Variants in CDC42BPA observed in about 807,000 individuals in gnomAD.
The protein encoded by CDC42BPA is serine/threonine-protein kinase MRCK alpha.
CDC42BPA carries 80 observed loss-of-function variants against 223.5 expected under a neutral mutation model. That is an observed-to-expected ratio of 0.36 (90% CI 0.30 to 0.43). CDC42BPA has a LOEUF of 0.43. Ranked by LOEUF, CDC42BPA falls within the 20% of genes least tolerant of loss-of-function variation. CDC42BPA has a pLI of 1.00. For missense variants in CDC42BPA, 1,743 were observed against 2,099.9 expected, an observed-to-expected ratio of 0.83 and a Z score of 3.32; for synonymous variants, 694 against 718.6, an observed-to-expected ratio of 0.97 and a Z score of 0.55.
At chr1:227,243,287 T>A (rs1347345329) in intron 2 of CDC42BPA, among the ~76,000 whole-genome samples, 1 of 152,194 alleles carries the variant, frequency 6.6e-6, no homozygotes, top group Admixed American at 6.5e-5. Flanking sequence ...AGTTTACTTA[T>A]TTAACAAACC....
Position 226,994,537 on chromosome 1 carries a change from C to T in CDC42BPA, c.5134-138G>A. 1 of 993,004 alleles carries T rather than the reference C, an allele frequency of 1.0e-6. No individual in the cohort carries two copies. The highest frequency in any genetic ancestry group is 1.4e-6 in the Non-Finnish European group (1 of 700,140). The allele number at this position is 993,004 out of a possible 1,614,324, so 61.5% of individuals were successfully genotyped here. ...CGGCCTCACTGTCGGTATAAAGCCC[C>T]TTCTATGAGCTGAGGAAGAGGCACG... is the stretch of plus-strand genomic sequence containing the variant. On this transcript the variant is annotated intron_variant, in intron 36 of 36. Coordinates refer to ENST00000366766, the MANE Select transcript of CDC42BPA (RefSeq NM_001394014.1). The surrounding 1 kb of genome is among the most constrained non-coding windows in gnomAD (Gnocchi z 4.0).
chr1:227,219,337 G>A (rs1251797387), intron 2 of CDC42BPA: 1 of 152,202 alleles, frequency 6.6e-6, no homozygotes, highest in African/African-American at 2.4e-5. Flanking sequence ...TGAAGCTGCC[G>A]GAGCAAGGCT....
chr1:227,199,749 A>G, intron 3 of CDC42BPA, 97 bp from the exon 4 acceptor site: 2 of 636,062 alleles, frequency 3.1e-6, no homozygotes, highest in South Asian at 4.1e-5. Flanking sequence ...CTGTTCTGGA[A>G]AAGGAATACA....
chr1:227,179,846 G>A (rs1010490383), intron 5 of CDC42BPA, among the ~76,000 whole-genome samples: 2 of 151,676 alleles, frequency 1.3e-5, no homozygotes, highest in African/African-American at 4.8e-5. Context: ...AACTATCAAG[G>A]ATAATATCTA....
intron 11 of CDC42BPA, among the ~76,000 whole-genome samples, chr1:227,122,397 C>T (rs1242891702): frequency 1.3e-5 from 2 of 152,122 alleles, no homozygotes; most frequent in South Asian, 2.1e-4. Context: ...TTCAGTATTT[C>T]ATAAAATTTC....
intron 35 of CDC42BPA, chr1:227,004,024 T>C (rs1409877954): frequency 6.6e-6 from 1 of 151,276 alleles, no homozygotes; most frequent in Non-Finnish European, 1.5e-5. Flanking sequence ...AATCCATTCC[T>C]GGCCTTCTTT....
At chr1:227,190,886 G>T (rs944549055) in intron 5 of CDC42BPA, among the ~76,000 whole-genome samples, 1 of 151,954 alleles carries the variant, frequency 6.6e-6, no homozygotes, top group African/African-American at 2.4e-5. Flanking sequence ...TGTGGTGGGG[G>T]GTTAAGACAA....
At chr1:227,237,429 T>C (rs551113705) in intron 2 of CDC42BPA, among the ~76,000 whole-genome samples, 1 of 152,278 alleles carries the variant, frequency 6.6e-6, no homozygotes, top group South Asian at 2.1e-4. Flanking sequence ...TCTACCTACC[T>C]CTGTTTAACA....
intron 2 of CDC42BPA, among the ~76,000 whole-genome samples, chr1:227,221,985 A>G (rs1675973898): frequency 7.0e-6 from 1 of 143,788 alleles, no homozygotes; most frequent in Non-Finnish European, 1.5e-5. Flanking sequence ...GAGGCTGCAG[A>G]GGGAAGATTA....
intron 10 of CDC42BPA, among the ~76,000 whole-genome samples, chr1:227,138,103 A>C (rs1290759783): frequency 6.6e-6 from 1 of 152,052 alleles, no homozygotes; most frequent in African/African-American, 2.4e-5. Context: ...TTACGGAAAA[A>C]CAGAAAATAG....
Position 227,259,202 on chromosome 1 carries a change from C to G in CDC42BPA, c.179-5047G>C, listed in dbSNP as rs185880865. ...GTGGGCCAAGTGCATATTGTGAGGC[C>G]CCATTTAACTGGCCAGTGTTAACTG... On this transcript the variant is annotated intron_variant, in intron 1 of 36. Transcript: ENST00000366766. Among the ~76,000 whole-genome samples, 147 of 150,908 alleles carry G rather than the reference C, an allele frequency of 9.7e-4. 3 individuals carry two copies. Among genetic ancestry groups the G allele is most frequent in the Non-Finnish European group, 1.6e-3 (110 of 68,022 alleles).
chr1:227,029,954 G>A (rs576404823), intron 29 of CDC42BPA, among the ~76,000 whole-genome samples: 63 of 152,158 alleles, frequency 4.1e-4, no homozygotes, highest in Admixed American at 4.6e-4. Context: ...GGCCAACATG[G>A]AGAAACCTCA....
chr1:227,253,593 C>A (rs1682498014), intron 2 of CDC42BPA, among the ~76,000 whole-genome samples: 1 of 118,568 alleles, frequency 8.4e-6, no homozygotes, highest in African/African-American at 3.1e-5. Flanking sequence ...GAAACTCCAT[C>A]TCAAAAATAA....
intron 1 of CDC42BPA, among the ~76,000 whole-genome samples, chr1:227,306,478 G>T (rs992047474): frequency 6.6e-6 from 1 of 152,128 alleles, no homozygotes; most frequent in African/African-American, 2.4e-5. Flanking sequence ...CACAGCAAAG[G>T]ACTCTTAGAA....
rs904725867 is a variant in CDC42BPA at position 226,994,972 on chromosome 1, C to T, written c.4984G>A (p.Ala1662Thr). The change falls in exon 36 of 37, where the codon GCA (alanine) becomes ACA (threonine). Residue 1662 changes from alanine to threonine, a missense_variant. By Grantham distance (58) the Ala-to-Thr change is moderately conservative. This residue lies in a region of CDC42BPA where 200 missense variants were observed against 192.8 expected (regional missense o/e 1.04). Coordinates refer to ENST00000366766, the MANE Select transcript of CDC42BPA (RefSeq NM_001394014.1). This position sits in a 1 kb window ranked among gnomAD's most constrained non-coding sequence, Gnocchi z 4.0. The part of the protein sequence containing the change: ...ASSGLSARSS[A>T]QNGSALKREF... Reference sequence around the variant, plus strand: ...CTCTTTAATGCGCTGCCATTCTGTGCGGATGACCCTACAGTACATCATGCA... The same window carrying T: ...CTCTTTAATGCGCTGCCATTCTGTGTGGATGACCCTACAGTACATCATGCA... 1.5e-5 allele frequency: 25 copies of T among 1,613,402 alleles called. No homozygotes were observed. Among genetic ancestry groups the T allele is most frequent in the South Asian group, 2.2e-5 (2 of 91,022 alleles).
rs1660662792 is a variant in CDC42BPA at position 226,990,949 on chromosome 1, T to A, written c.*3319A>T. ...CTCCTTTTAGTTGTATCTCATAGCC[T>A]TAAAGCTGTGCTCCCTAGGAAATAA... On this transcript the variant is annotated 3_prime_UTR_variant, in exon 37 of 37. Coordinates refer to ENST00000366766, the MANE Select transcript of CDC42BPA (RefSeq NM_001394014.1). The A allele has an allele frequency of 6.6e-6, 1 of 152,596 alleles. No individual in the cohort carries two copies. Among genetic ancestry groups the A allele is most frequent in the South Asian group, 2.1e-4 (1 of 4,836 alleles). The allele number at this position is 152,596 out of a possible 1,614,324, so 9.5% of individuals were successfully genotyped here.
At chr1:227,115,575 C>T (rs1429362090) in intron 12 of CDC42BPA, among the ~76,000 whole-genome samples, 1 of 151,248 alleles carries the variant, frequency 6.6e-6, no homozygotes, top group Non-Finnish European at 1.5e-5. Flanking sequence ...CAGAAGCTTG[C>T]TCTCTAAATT....
At chr1:227,308,108 T>C (rs1692875186) in intron 1 of CDC42BPA, among the ~76,000 whole-genome samples, 1 of 152,232 alleles carries the variant, frequency 6.6e-6, no homozygotes. Flanking sequence ...TGTATGTTAA[T>C]AGTAAAATAG....
At chr1:227,059,241 A>G in intron 21 of CDC42BPA, 1 of 730,570 alleles carries the variant, frequency 1.4e-6, no homozygotes, top group South Asian at 1.8e-5. Context: ...CAGCAGGAGC[A>G]GCAGCACAAA....
Sources: gnomAD v4.1 joint callset for allele counts (sites outside exome capture counted in the v4.1 genomes callset) on GRCh38, gnomAD v4.1.1 for gene constraint, gnomAD v4.1.1 regional missense constraint, Gnocchi (gnomAD v3.1) non-coding constraint, MANE v1.5 for transcripts, NCBI Gene and HGNC (gene_info 2026-07-23, HGNC 2026-07-21) for gene names.